Variants in CDH15 observed in about 807,000 individuals in gnomAD.
The protein encoded by CDH15 is cadherin 15, also known as cadherin-15.
A neutral mutation model predicts 69.4 loss-of-function variants in CDH15; 73 were observed. That is an observed-to-expected ratio of 1.05 (90% CI 0.87 to 1.28). The LOEUF (loss-of-function observed/expected upper bound fraction) is 1.28, where lower values mean the gene tolerates loss of function less well. CDH15 is among the 50% of genes most tolerant of loss of function. CDH15 has a pLI of 0.00. For missense variants in CDH15, 1,343 were observed against 1,133.6 expected, an observed-to-expected ratio of 1.18 and a Z score of -2.65; for synonymous variants, 624 against 507.7, an observed-to-expected ratio of 1.23 and a Z score of -3.08.
intron 5 of CDH15, chr16:89,185,811 A>G (rs1915470512): frequency 7.7e-6 from 2 of 258,208 alleles, no homozygotes; most frequent in African/African-American, 4.5e-5. Context: ...CAGGGACCCA[A>G]GCTCACTGGT....
At chr16:89,175,683 C>T (rs1299573809) in intron 1 of CDH15, among the ~76,000 whole-genome samples, 1 of 152,226 alleles carries the variant, frequency 6.6e-6, no homozygotes, top group Non-Finnish European at 1.5e-5. Flanking sequence ...CAGGAGCTGC[C>T]CTGCCCTGGA....
intron 1 of CDH15, among the ~76,000 whole-genome samples, chr16:89,173,135 G>A (rs1915191627): frequency 6.6e-6 from 1 of 152,144 alleles, no homozygotes; most frequent in Admixed American, 6.5e-5. Context: ...ACAGTGGTGG[G>A]GGGAGACAGT....
rs2091491808 is a variant in CDH15 at position 89,195,243 on chromosome 16, C to G, written c.*88C>G. The G allele has an allele frequency of 7.3e-7, 1 of 1,364,478 alleles. No individual in the cohort carries two copies. The allele number at this position is 1,364,478 out of a possible 1,614,324, so 84.5% of individuals were successfully genotyped here. ...CAGCCTGAGGTCACCGGGCCCGACCCCCCTGGGCCTGGGGCAGCCTCCTTC... is the reference window on the plus strand; with the variant it reads ...CAGCCTGAGGTCACCGGGCCCGACCGCCCTGGGCCTGGGGCAGCCTCCTTC... On this transcript the variant is annotated 3_prime_UTR_variant, in exon 14 of 14. Transcript: ENST00000289746.
intron 7 of CDH15, among the ~76,000 whole-genome samples, chr16:89,188,934 A>G (rs1446025282): frequency 1.4e-5 from 2 of 145,586 alleles, no homozygotes; most frequent in Non-Finnish European, 3.0e-5. Flanking sequence ...GCCCACACAC[A>G]GATGCCCACA....
intron 5 of CDH15, chr16:89,185,890 AACACCC>A: frequency 1.0e-5 from 2 of 197,288 alleles, no homozygotes; most frequent in Non-Finnish European, 2.1e-5. Flanking sequence ...GTGCTCTGTA[AACACCC>A]AGCGCACAGT....
intron 1 of CDH15, among the ~76,000 whole-genome samples, chr16:89,174,685 C>G (rs946277514): frequency 2.6e-5 from 4 of 152,172 alleles, no homozygotes; most frequent in African/African-American, 7.2e-5. Context: ...CCTCCAGGCT[C>G]TTGGCTAAGG....
rs190429472 is a variant in CDH15, at chr16:89,193,680, C to G, written c.1992+74C>G. The G allele has an allele frequency of 1.3e-3, 2,047 of 1,569,734 alleles. 3 individuals carry two copies. Among genetic ancestry groups the G allele is most frequent in the Non-Finnish European group, 1.5e-3 (1,729 of 1,159,288 alleles). ...GCGGGCCTTCTTACAACAAGCTGGCCAGGAGCCTGTACCTGAGACCTCCAC... is the reference window on the plus strand; with the variant it reads ...GCGGGCCTTCTTACAACAAGCTGGCGAGGAGCCTGTACCTGAGACCTCCAC... On this transcript the variant is annotated intron_variant, in intron 12 of 13. Transcript: ENST00000289746.
chr16:89,172,925 A>G (rs565178603), intron 1 of CDH15, among the ~76,000 whole-genome samples: 3 of 152,292 alleles, frequency 2.0e-5, no homozygotes, highest in African/African-American at 7.2e-5. Context: ...TGCTGGACAC[A>G]GTGAGTAAGG....
intron 5 of CDH15, chr16:89,185,864 A>C (rs1288673778): frequency 4.7e-6 from 1 of 211,810 alleles, no homozygotes; most frequent in Non-Finnish European, 9.8e-6. Context: ...GTAAATGCTT[A>C]CCCAGCGCAC....
rs926049647 is a variant in CDH15 at position 89,192,336 on chromosome 16, G to A, written c.1747G>A (p.Gly583Ser). The change falls in exon 11 of 14, where the codon GGC (glycine) becomes AGC (serine). Residue 583 changes from glycine (G) to serine (S), a missense_variant. Physicochemically the swap from Gly to Ser is moderately conservative, Grantham distance 56. Transcript: ENST00000289746. ...QPLNVTVCRCGKDGVCLPGAA... is the reference protein window; with the variant it reads ...QPLNVTVCRCSKDGVCLPGAA... ...TCTGAACGTGACCGTGTGCCGCTGC[G>A]GCAAGGACGGCGTCTGCCTGCCGGG... 3.5e-5 allele frequency: 53 copies of A among 1,535,928 alleles called. No homozygotes were observed. The highest frequency in any genetic ancestry group is 1.2e-4 in the African/African-American group (9 of 73,130).
intron 3 of CDH15, chr16:89,182,702 C>A (rs1042418093): frequency 6.6e-6 from 1 of 152,256 alleles, no homozygotes; most frequent in South Asian, 2.1e-4. Context: ...CGCTTCCTGC[C>A]TTTGCCTCTG....
intron 8 of CDH15, 152 bp from the exon 9 acceptor site, chr16:89,191,178 T>C (rs1915631390): frequency 2.4e-6 from 2 of 831,132 alleles, no homozygotes; most frequent in Non-Finnish European, 2.0e-6. Context: ...AGGCTGTGTG[T>C]GCGTGTGTAT....
intron 5 of CDH15, 82 bp downstream of exon 5, chr16:89,185,415 C>T: frequency 6.9e-7 from 1 of 1,441,594 alleles, no homozygotes; most frequent in Admixed American, 2.0e-5. Context: ...CCAGCCTGCC[C>T]ACCCCAGACG....
chr16:89,187,605 C>T (rs1170005266), intron 6 of CDH15, 48 bp downstream of exon 6: 2 of 1,610,514 alleles, frequency 1.2e-6, no homozygotes, highest in Non-Finnish European at 8.5e-7. Context: ...TTAGAGCTGC[C>T]TTCCCTTCTT....
chr16:89,192,576 A>G (rs1396425205), intron 11 of CDH15, 132 bp downstream of exon 11: 3 of 552,842 alleles, frequency 5.4e-6, no homozygotes, highest in African/African-American at 5.6e-5. Context: ...CCTCATTACC[A>G]GCCACGCCGC....
intron 7 of CDH15, among the ~76,000 whole-genome samples, chr16:89,189,793 G>A (rs532544690): frequency 5.6e-4 from 85 of 152,308 alleles, no homozygotes; most frequent in Middle Eastern, 3.4e-3. Flanking sequence ...TGGCTCATGC[G>A]GTGCTGGGGT....
At chr16:89,181,945 A>G (rs1915385999) in intron 3 of CDH15, among the ~76,000 whole-genome samples, 1 of 151,504 alleles carries the variant, frequency 6.6e-6, no homozygotes, top group South Asian at 2.1e-4. Flanking sequence ...CTCAAAAAAA[A>G]AAACAGAAGA....
At chr16:89,187,638 G>A (rs1915520021) in intron 6 of CDH15, 81 bp downstream of exon 6, 3 of 1,570,034 alleles carry the variant, frequency 1.9e-6, no homozygotes, top group Non-Finnish European at 2.6e-6. Flanking sequence ...AAGGCAGCGG[G>A]CTTCATGATG....
rs746155368 is a variant in CDH15, at chr16:89,188,131, G to C, written c.824G>C (p.Gly275Ala). The change falls in exon 7 of 14, where the codon GGA becomes GCA. Residue 275 changes from glycine (G) to alanine (A), a missense_variant. Gly to Ala is a moderately conservative substitution (Grantham distance 60). Coordinates refer to ENST00000289746, the MANE Select transcript of CDH15 (RefSeq NM_004933.3). Reference protein sequence around the residue: ...FFMEAIEAVSGVDVGRLEVED... With the variant: ...FFMEAIEAVSAVDVGRLEVED... The stretch of plus-strand genomic sequence containing the variant: ...ATGGAGGCCATAGAGGCCGTCAGCG[G>C]AGTGGATGTGGGACGCCTGGAAGTG... 6.2e-7 allele frequency: 1 copy of C among 1,613,172 alleles called. No homozygotes were observed.
Sources: gnomAD v4.1 joint callset for allele counts (sites outside exome capture counted in the v4.1 genomes callset) on GRCh38, gnomAD v4.1.1 for gene constraint, MANE v1.5 for transcripts, NCBI Gene and HGNC (gene_info 2026-07-23, HGNC 2026-07-21) for gene names.